Variants in NWD1 observed in about 807,000 individuals in gnomAD.
NWD1 encodes the protein NACHT domain- and WD repeat-containing protein 1.
Under a neutral mutation model 135.1 loss-of-function variants are expected in NWD1, and 129 were observed. The ratio of observed to expected loss-of-function variants is 0.96; its 90% CI spans 0.83 to 1.11. NWD1 has a LOEUF of 1.11. NWD1 is among the 50% of genes least tolerant of loss of function. The probability of loss-of-function intolerance (pLI) is 0.00; values close to 1 mark genes in which losing one functional copy is unlikely to be tolerated. For missense variants in NWD1, 1,740 were observed against 1,851.3 expected (o/e 0.94, Z 1.10); for synonymous variants, 773 against 786.0 (o/e 0.98, Z 0.28).
chr19:16,779,389 T>C lies in NWD1; in HGVS notation c.2655T>C (p.Ile885=). 6.2e-7 allele frequency: 1 copy of C among 1,613,836 alleles called. No individual in the cohort carries two copies. Among genetic ancestry groups the C allele is most frequent in the Non-Finnish European group, 8.5e-7 (1 of 1,179,928 alleles). Residue 885 remains isoleucine, a synonymous_variant, in exon 12 of 19, where the codon ATT becomes ATC. Coordinates refer to ENST00000524140, the MANE Select transcript of NWD1 (RefSeq NM_001007525.5). The stretch of plus-strand genomic sequence containing the variant: ...GTGTGGAGGAGAAGCTGCTGGTGAT[T>C]GGCACCCAGGATGGCATCATGGCTG... ...AWGVEEKLLV[I]GTQDGIMAVW... is the part of the protein sequence containing the mutation.
intron 1 of NWD1, among the ~76,000 whole-genome samples, chr19:16,721,238 C>T (rs1389644927): frequency 6.6e-6 from 1 of 151,894 alleles, no homozygotes; most frequent in Non-Finnish European, 1.5e-5. Flanking sequence ...AAATGCTTTG[C>T]AACATCCTAA....
At chr19:16,738,006 AAAAG>A (rs1301499644) in intron 4 of NWD1, among the ~76,000 whole-genome samples, 1 of 151,768 alleles carries the variant, frequency 6.6e-6, no homozygotes, top group Non-Finnish European at 1.5e-5. Context: ...AAAAGAAAAG[AAAAG>A]AAATTCTAGA....
chr19:16,763,909 T>C lies in NWD1; in HGVS notation c.2215T>C (p.Ser739Pro), dbSNP rs1420577465. 1 of 1,613,600 alleles carries C rather than the reference T, an allele frequency of 6.2e-7. No individual in the cohort carries two copies. Among genetic ancestry groups the C allele is most frequent in the Non-Finnish European group, 8.5e-7 (1 of 1,179,674 alleles). ...GGAGTTGCCCTATCACCTGCTTCAC[T>C]CGGGCCGCCTGGAGGAGCTGAAACA... The part of the protein sequence containing the change: ...LKELPYHLLH[S>P]GRLEELKQEV... The change falls in exon 9 of 19, where the codon TCG (serine) becomes CCG (proline). Residue 739 changes from serine to proline, a missense_variant. Physicochemically the swap from Ser to Pro is moderately conservative, Grantham distance 74. Transcript: ENST00000524140.
intron 12 of NWD1, among the ~76,000 whole-genome samples, chr19:16,782,071 G>A (rs1969872548): frequency 6.8e-6 from 1 of 147,714 alleles, no homozygotes; most frequent in East Asian, 2.0e-4. Flanking sequence ...TCCAGCCTGG[G>A]CGACAGAGTG....
At position 16,812,584 on chromosome 19, in the gene NWD1, G is replaced by A. The variant is rs370470502; in HGVS notation, c.4288-2444G>A. Among the ~76,000 whole-genome samples, 8 of 151,990 alleles carry A rather than the reference G, an allele frequency of 5.3e-5. No homozygotes were observed. In the East Asian group the frequency reaches 9.7e-4, roughly 18 times the overall value. ...CTTGGGAGGCTGAGGCAGGAGAATC[G>A]CTTGAACCTGGGAGGTGGAGGTTGC... is the stretch of plus-strand genomic sequence containing the variant. On this transcript the variant is annotated intron_variant, in intron 18 of 18. Transcript: ENST00000524140.
intron 14 of NWD1, among the ~76,000 whole-genome samples, chr19:16,794,244 T>C (rs1352669067): frequency 6.6e-6 from 1 of 152,140 alleles, no homozygotes; most frequent in African/African-American, 2.4e-5. Context: ...CAGGTGCCTG[T>C]AATCCCAGCT....
intron 18 of NWD1, among the ~76,000 whole-genome samples, chr19:16,814,491 T>A (rs1186057056): frequency 6.6e-6 from 1 of 152,216 alleles, no homozygotes; most frequent in Non-Finnish European, 1.5e-5. Flanking sequence ...GTTAGGAGAC[T>A]TGCCCAAGGT....
intron 6 of NWD1, among the ~76,000 whole-genome samples, chr19:16,754,379 C>T (rs1237169548): frequency 3.4e-5 from 5 of 147,522 alleles, no homozygotes; most frequent in Non-Finnish European, 6.0e-5. Flanking sequence ...CATCCATCCA[C>T]CCATCATCTC....
At chr19:16,746,608 G>A (rs112423820) in intron 5 of NWD1, among the ~76,000 whole-genome samples, 101 of 152,036 alleles carry the variant, frequency 6.6e-4, no homozygotes, top group Middle Eastern at 3.4e-3. Flanking sequence ...GGGAGGCAGC[G>A]GTTGTAGTGA....
intron 17 of NWD1, 94 bp from the exon 18 acceptor site, chr19:16,807,492 C>T (rs1219276765): frequency 9.3e-7 from 1 of 1,080,012 alleles, no homozygotes; most frequent in Admixed American, 2.3e-5. Context: ...GACTCCATCT[C>T]AAAAACAAAA....
At chr19:16,763,499 C>T (rs552659980) in intron 8 of NWD1, among the ~76,000 whole-genome samples, 1 of 152,136 alleles carries the variant, frequency 6.6e-6, no homozygotes, top group African/African-American at 2.4e-5. Context: ...CCATGCTGTT[C>T]CCTTGCCCTG....
chr19:16,750,004 G>A lies in NWD1; in HGVS notation c.1362G>A (p.Leu454=). The part of the protein sequence containing the change: ...SVRHARRVPW[L]PLNCPPRVHL... ...GCCATGCTCGGAGGGTTCCCTGGCT[G>A]CCTCTCAACTGCCCCCCGAGGGTGC... is the stretch of plus-strand genomic sequence containing the variant. The change falls in exon 6 of 19, where the codon CTG becomes CTA. Residue 454 remains leucine (L), a synonymous_variant. Transcript: ENST00000524140. The A allele has an allele frequency of 6.2e-7, 1 of 1,613,886 alleles. No individual in the cohort carries two copies. The highest frequency in any genetic ancestry group is 1.6e-4 in the Middle Eastern group (1 of 6,062).
At chr19:16,798,956 TAA>T (rs1970509355) in intron 16 of NWD1, among the ~76,000 whole-genome samples, 1 of 150,664 alleles carries the variant, frequency 6.6e-6, no homozygotes, top group African/African-American at 2.4e-5. Context: ...AAAAAAACAT[TAA>T]AAGTTTTGAG....
At chr19:16,786,259 C>T (rs897512146) in intron 12 of NWD1, among the ~76,000 whole-genome samples, 11 of 151,986 alleles carry the variant, frequency 7.2e-5, no homozygotes, top group South Asian at 2.1e-4. Context: ...CCTCCCACTT[C>T]GGCCCCTGAA....
intron 3 of NWD1, among the ~76,000 whole-genome samples, chr19:16,736,236 T>TTCCTTCCTTCCTTCCTTCCTTC (rs1555717146): frequency 1.0e-4 from 1 of 10,028 alleles, no homozygotes. Context: ...TACCTTCCTC[T>TTCCTTCCTTCCTTCCTTCCTTC]CTCTCTTTCT....
rs752164086 is a variant in NWD1 at position 16,749,104 on chromosome 19, A to G, written c.497-35A>G. The G allele has an allele frequency of 2.6e-6, 4 of 1,535,874 alleles. No homozygotes were observed. In the East Asian group the frequency reaches 9.1e-5, roughly 35 times the overall value. On this transcript the variant is annotated intron_variant, in intron 5 of 18. Coordinates refer to ENST00000524140, the MANE Select transcript of NWD1 (RefSeq NM_001007525.5). ...TAGGTCAGCTGCTGACCCAATAATGACCACACTTCCTTCCCACCTTCCCCA... is the reference window on the plus strand; with the variant it reads ...TAGGTCAGCTGCTGACCCAATAATGGCCACACTTCCTTCCCACCTTCCCCA...
intron 4 of NWD1, among the ~76,000 whole-genome samples, chr19:16,743,265 C>T (rs1333776844): frequency 1.3e-5 from 2 of 151,242 alleles, no homozygotes; most frequent in Non-Finnish European, 2.9e-5. Context: ...GGCTGGAGTG[C>T]AGTGGTGCGA....
intron 13 of NWD1, among the ~76,000 whole-genome samples, chr19:16,791,088 G>T (rs1482696020): frequency 6.6e-6 from 1 of 151,980 alleles, no homozygotes; most frequent in Non-Finnish European, 1.5e-5. Flanking sequence ...TTTAAAAATA[G>T]CCAGGCATGG....
At chr19:16,735,960 A>T (rs78277164) in intron 3 of NWD1, among the ~76,000 whole-genome samples, 11,622 of 128,672 alleles carry the variant, frequency 0.09, 736 homozygotes, top group African/African-American at 0.19. Context: ...CAGGACTCCA[A>T]CTCAAAAAAA....
Sources: allele counts gnomAD v4.1 joint callset (sites outside exome capture counted in the v4.1 genomes callset), GRCh38; gene constraint gnomAD v4.1.1; transcripts MANE v1.5; gene names NCBI Gene and HGNC (gene_info 2026-07-23, HGNC 2026-07-21).